RARB: variants seen among roughly 807,000 people sequenced by gnomAD.
RARB encodes the protein HBV-activated protein.
In RARB, 17 loss-of-function variants were observed where a neutral mutation model predicts 51.9. That is an observed-to-expected ratio of 0.33 (90% CI 0.22 to 0.49). The LOEUF (loss-of-function observed/expected upper bound fraction) is 0.49. Among genes scored for constraint, RARB ranks in the 20% least tolerant of loss-of-function variants. The pLI, the probability that RARB is intolerant of heterozygous loss-of-function variation, is 0.99. For synonymous variants in RARB, 215 were observed against 195.4 expected, an observed-to-expected ratio of 1.10 and a Z score of -0.84; for missense variants, 369 against 550.8, an observed-to-expected ratio of 0.67 and a Z score of 3.30.
chr3:25,441,281 C>G (rs566624755), intron 1 of RARB: 1 of 406,180 alleles, frequency 2.5e-6, no homozygotes, highest in South Asian at 2.1e-5. Context: ...TAGCTGCGCT[C>G]TGGAAGCTCA....
chr3:25,393,694 C>T (rs1707036695), intron 5 of RARB, among the ~76,000 whole-genome samples: 1 of 151,786 alleles, frequency 6.6e-6, no homozygotes, highest in African/African-American at 2.4e-5. Flanking sequence ...CTAGTTTGTG[C>T]ACGTGAAGGT....
intron 2 of RARB, among the ~76,000 whole-genome samples, chr3:24,943,602 C>T (rs528719441): frequency 1.1e-4 from 17 of 152,164 alleles, no homozygotes; most frequent in Non-Finnish European, 2.5e-4. Context: ...AATGTGGGTG[C>T]AGGTTTTGAG....
chr3:25,104,701 A>G (rs762956952), intron 3 of RARB, among the ~76,000 whole-genome samples: 14 of 152,174 alleles, frequency 9.2e-5, no homozygotes, highest in Non-Finnish European at 5.9e-5. Flanking sequence ...CAAACTGGAA[A>G]ATATCCAAAG....
chr3:25,163,579 T>C (rs895277623), intron 4 of RARB, among the ~76,000 whole-genome samples: 1 of 150,700 alleles, frequency 6.6e-6, no homozygotes. Flanking sequence ...ATATCATAAT[T>C]CTAATGTAGT....
At chr3:25,377,857 C>T (rs925298722) in intron 5 of RARB, among the ~76,000 whole-genome samples, 1 of 152,138 alleles carries the variant, frequency 6.6e-6, no homozygotes, top group Non-Finnish European at 1.5e-5. Flanking sequence ...GAGGCCCTCA[C>T]ATGGCTCCTT....
intron 5 of RARB, among the ~76,000 whole-genome samples, chr3:25,365,187 TTTTC>T (rs1170337691): frequency 1.4e-5 from 2 of 140,960 alleles, no homozygotes; most frequent in Admixed American, 7.2e-5. Flanking sequence ...GCCAACCATG[TTTTC>T]TTTCTTTCTT....
intron 2 of RARB, among the ~76,000 whole-genome samples, chr3:24,935,446 CTT>C (rs1393285639): frequency 6.6e-6 from 1 of 152,094 alleles, no homozygotes; most frequent in African/African-American, 2.4e-5. Flanking sequence ...AGCTCTGTTA[CTT>C]TGTGTCTGAG....
intron 5 of RARB, among the ~76,000 whole-genome samples, chr3:25,404,735 T>C (rs1309531243): frequency 6.6e-6 from 1 of 152,224 alleles, no homozygotes; most frequent in Non-Finnish European, 1.5e-5. Flanking sequence ...GAAAAGCTTC[T>C]TGTGATGTAG....
intron 1 of RARB, among the ~76,000 whole-genome samples, chr3:24,839,540 A>C (rs979410840): frequency 9.9e-5 from 15 of 151,244 alleles, no homozygotes; most frequent in Admixed American, 2.0e-4. Flanking sequence ...TCTCTGAAAA[A>C]AAAAAAAAAA....
intron 5 of RARB, among the ~76,000 whole-genome samples, chr3:25,343,546 A>G (rs758314340): frequency 5.3e-5 from 8 of 151,292 alleles, no homozygotes; most frequent in Non-Finnish European, 1.2e-4. Flanking sequence ...TTTTTTCCAG[A>G]AAAAAAAATT....
intron 5 of RARB, among the ~76,000 whole-genome samples, chr3:25,294,661 C>T (rs766551181): frequency 1.3e-5 from 2 of 152,146 alleles, no homozygotes; most frequent in Non-Finnish European, 2.9e-5. Flanking sequence ...GGAGAAGCCA[C>T]CTAAGGCAGA....
chr3:25,445,696 C>A (rs977800488), intron 1 of RARB, among the ~76,000 whole-genome samples: 2 of 151,994 alleles, frequency 1.3e-5, no homozygotes, highest in Non-Finnish European at 2.9e-5. Context: ...TATCAGAGAG[C>A]AATAATAATT....
In RARB at chr3:25,145,384, AG is replaced by A. The variant is rs559302259; in HGVS notation, c.-280+13179del. ...ATTGAATATATCACAGAACAAATTA[AG>A]GGTGTGAGGTTTAATGCAGCCAAGG... On this transcript the variant is annotated intron_variant, in intron 4 of 11. Coordinates refer to the RARB transcript ENST00000383772. Among the ~76,000 whole-genome samples the A allele has an allele frequency of 1.2e-4, 18 of 152,270 alleles. No individual in the cohort carries two copies. In the East Asian group the frequency reaches 3.5e-3, roughly 29 times the overall value.
chr3:25,167,436 A>G (rs554189223), intron 4 of RARB, among the ~76,000 whole-genome samples: 12 of 152,340 alleles, frequency 7.9e-5, no homozygotes, highest in African/African-American at 2.9e-4. Flanking sequence ...AAATAAATGA[A>G]CAAAGTACTG....
intron 3 of RARB, among the ~76,000 whole-genome samples, chr3:25,092,804 G>A (rs1403782555): frequency 1.3e-5 from 2 of 152,080 alleles, no homozygotes; most frequent in Admixed American, 6.6e-5. Flanking sequence ...CTGAACATGA[G>A]TTTCATGTGT....
chr3:25,145,360 T>A (rs114281022), intron 4 of RARB, among the ~76,000 whole-genome samples: 18 of 152,254 alleles, frequency 1.2e-4, no homozygotes, highest in African/African-American at 4.3e-4. Flanking sequence ...TAGGAACATA[T>A]TGAATATATC....
At chr3:25,362,245 G>A (rs115328234) in intron 5 of RARB, among the ~76,000 whole-genome samples, 2,600 of 152,266 alleles carry the variant, frequency 0.017, 75 homozygotes, top group African/African-American at 0.059. Context: ...AGCTGCAGTC[G>A]GCTCTGCCCA....
intron 5 of RARB, among the ~76,000 whole-genome samples, chr3:25,327,606 T>C (rs1704764511): frequency 6.6e-6 from 1 of 152,230 alleles, no homozygotes; most frequent in Non-Finnish European, 1.5e-5. Context: ...CTGTACTCTT[T>C]ACTAATCTGA....
chr3:25,125,334 C>G (rs540107690), intron 3 of RARB, among the ~76,000 whole-genome samples: 1 of 152,284 alleles, frequency 6.6e-6, no homozygotes, highest in African/African-American at 2.4e-5. Flanking sequence ...GGAGGGTACT[C>G]CACTAAGCAG....
Sources: gnomAD v4.1 joint callset for allele counts (sites outside exome capture counted in the v4.1 genomes callset) on GRCh38, gnomAD v4.1.1 for gene constraint, MANE v1.5 for transcripts, NCBI Gene and HGNC (gene_info 2026-07-23, HGNC 2026-07-21) for gene names.